Variants in CELF2 observed in about 807,000 individuals in gnomAD.
CELF2 encodes the protein CUGBP Elav-like family member 2, also known as CUG triplet repeat RNA-binding protein 2.
Under a neutral mutation model 62.6 loss-of-function variants are expected in CELF2, and 8 were observed. The observed-to-expected ratio is 0.13, with a 90% confidence interval of 0.07 to 0.23. CELF2 has a LOEUF of 0.23. Ranked by LOEUF, CELF2 falls within the 10% of genes least tolerant of loss-of-function variation. CELF2 has a pLI of 1.00. For missense variants in CELF2, 333 were observed against 671.0 expected (o/e 0.50, Z 5.56); for synonymous variants, 258 against 250.0 (o/e 1.03, Z -0.30).
intron 2 of CELF2, among the ~76,000 whole-genome samples, chr10:11,202,901 A>ATCTCTCTCTCTCTC (rs56373613): frequency 1.4e-5 from 1 of 70,984 alleles, no homozygotes; most frequent in East Asian, 5.6e-4. Flanking sequence ...CCCCATCCTC[A>ATCTCTCTCTCTCTC]TCTCTCTCTC....
the CELF2 span, among the ~76,000 whole-genome samples, chr10:10,712,959 G>A: frequency 7.9e-5 from 12 of 152,132 alleles, no homozygotes; most frequent in Non-Finnish European, 1.5e-4. Context: ...CTTGAGCTAA[G>A]CCCCAGCCCT....
At chr10:10,465,764 A>G in the CELF2 span, among the ~76,000 whole-genome samples, 4 of 152,238 alleles carry the variant, frequency 2.6e-5, no homozygotes, top group Non-Finnish European at 4.4e-5. Context: ...GGTAACTTGT[A>G]AGGAAAAGAG....
At chr10:10,757,677 T>A in the CELF2 span, among the ~76,000 whole-genome samples, 1 of 152,082 alleles carries the variant, frequency 6.6e-6, no homozygotes, top group South Asian at 2.1e-4. Context: ...AATATAAGAA[T>A]AAGCTACTTG....
intron 1 of CELF2, among the ~76,000 whole-genome samples, chr10:10,814,956 C>CT (rs755479883): frequency 9.2e-5 from 14 of 152,164 alleles, no homozygotes; most frequent in Non-Finnish European, 1.9e-4. Context: ...GGATAGCTCT[C>CT]TCCCCTCTTC....
chr10:11,293,804 TTTA>T (rs2092826858), intron 9 of CELF2, among the ~76,000 whole-genome samples: 2 of 152,196 alleles, frequency 1.3e-5, no homozygotes, highest in East Asian at 1.9e-4. Context: ...TTTGTTTTTT[TTTA>T]AATTCAGTGG....
the CELF2 span, among the ~76,000 whole-genome samples, chr10:10,572,251 C>G: frequency 4.0e-5 from 6 of 151,628 alleles, no homozygotes; most frequent in East Asian, 9.7e-4. Flanking sequence ...TATTGAGGTC[C>G]CTTGTTCTTT....
At chr10:11,138,536 G>T (rs1219282615) in intron 1 of CELF2, among the ~76,000 whole-genome samples, 1 of 152,188 alleles carries the variant, frequency 6.6e-6, no homozygotes, top group Non-Finnish European at 1.5e-5. Flanking sequence ...ACACACACAG[G>T]ATCGGGATAC....
intron 2 of CELF2, among the ~76,000 whole-genome samples, chr10:10,933,053 G>A (rs2066250816): frequency 6.6e-6 from 1 of 152,104 alleles, no homozygotes; most frequent in South Asian, 2.1e-4. Flanking sequence ...CCAGCACTTT[G>A]GGAGGCTGAG....
the CELF2 span, among the ~76,000 whole-genome samples, chr10:10,593,100 A>T: frequency 1.3e-5 from 2 of 152,202 alleles, no homozygotes; most frequent in Non-Finnish European, 2.9e-5. Context: ...ACAGCCAACA[A>T]GCAGAGTGCT....
Position 11,159,431 on chromosome 10 carries a change from C to A in CELF2, c.75-6055C>A, listed in dbSNP as rs960225030. Among the ~76,000 whole-genome samples the A allele has an allele frequency of 6.6e-6, 1 of 152,184 alleles. No homozygotes were observed. Among genetic ancestry groups the A allele is most frequent in the South Asian group, 2.1e-4 (1 of 4,820 alleles). On this transcript the variant is annotated intron_variant, in intron 1 of 12. Transcript: ENST00000633077. This position sits in a 1 kb window ranked among gnomAD's most constrained non-coding sequence, Gnocchi z 5.0. ...AGCAGTGCATTTTAAAAGGGAGTTGCAATTCCCAGAGCTCTGGGTTGGATG... is the reference window on the plus strand; with the variant it reads ...AGCAGTGCATTTTAAAAGGGAGTTGAAATTCCCAGAGCTCTGGGTTGGATG...
rs2132949983 is a variant in CELF2 at position 11,332,128 on chromosome 10, GT to G, written c.*3079del. 1.3e-5 allele frequency: 2 copies of G among 152,292 alleles called. No homozygotes were observed. The highest frequency in any genetic ancestry group is 4.8e-5 in the African/African-American group (2 of 41,562). 9.4% of individuals were successfully genotyped at this position (152,292 alleles called of 1,614,324 possible). On this transcript the variant is annotated 3_prime_UTR_variant, in exon 13 of 13. Coordinates refer to ENST00000633077, the MANE Select transcript of CELF2 (RefSeq NM_001326342.2). The stretch of plus-strand genomic sequence containing the variant: ...ATGTGCTACTAGAATTCCTTCTTCA[GT>G]TTTAACGAGTAATTGGATAAACCCT...
intron 1 of CELF2, among the ~76,000 whole-genome samples, chr10:11,142,808 G>T (rs547350921): frequency 6.6e-6 from 1 of 152,194 alleles, no homozygotes; most frequent in Non-Finnish European, 1.5e-5. Context: ...GAATGGGAAG[G>T]TAAGTCGTAA....
the CELF2 span, among the ~76,000 whole-genome samples, chr10:10,774,261 C>T: frequency 6.6e-6 from 1 of 152,192 alleles, no homozygotes; most frequent in Non-Finnish European, 1.5e-5. Flanking sequence ...CGGAAGCACA[C>T]GGTACACATA....
At chr10:11,176,788 G>A (rs890756379) in intron 2 of CELF2, among the ~76,000 whole-genome samples, 7 of 152,128 alleles carry the variant, frequency 4.6e-5, no homozygotes, top group South Asian at 2.1e-4. Flanking sequence ...TCAACAAGGC[G>A]TTACTTTTGG....
chr10:10,977,367 G>A (rs1486948419), intron 2 of CELF2, among the ~76,000 whole-genome samples: 1 of 152,178 alleles, frequency 6.6e-6, no homozygotes, highest in African/African-American at 2.4e-5. Context: ...TCAGCAAGAA[G>A]TATCTTTAGT....
chr10:10,917,599 C>G (rs968455615), intron 1 of CELF2, among the ~76,000 whole-genome samples: 2 of 152,152 alleles, frequency 1.3e-5, no homozygotes, highest in Non-Finnish European at 2.9e-5. Flanking sequence ...CCTCAGCCTC[C>G]CAAAGTGCTA....
chr10:10,959,302 G>A lies in CELF2; in HGVS notation c.89+39303G>A, dbSNP rs184853243. Among the ~76,000 whole-genome samples the A allele has an allele frequency of 1.2e-4, 19 of 152,150 alleles. No individual in the cohort carries two copies. In the East Asian group the frequency reaches 3.5e-3, roughly 28 times the overall value. On this transcript the variant is annotated intron_variant, in intron 2 of 13. Coordinates refer to the CELF2 transcript ENST00000636488. ...TCTCAGAGAAAAATAAAAAAGTCTTGGATCCATTTTGATGCCTTTTGTGGC... is the reference window on the plus strand; with the variant it reads ...TCTCAGAGAAAAATAAAAAAGTCTTAGATCCATTTTGATGCCTTTTGTGGC...
chr10:11,324,563 T>C lies in CELF2; in HGVS notation c.1295-1273T>C, dbSNP rs1482694032. 1.3e-5 allele frequency among the ~76,000 whole-genome samples: 2 copies of C among 152,198 alleles called. No individual in the cohort carries two copies. The highest frequency in any genetic ancestry group is 2.9e-5 in the Non-Finnish European group (2 of 68,022). On this transcript the variant is annotated intron_variant, in intron 11 of 12. Coordinates refer to ENST00000633077, the MANE Select transcript of CELF2 (RefSeq NM_001326342.2). The surrounding 1 kb of genome is among the most constrained non-coding windows in gnomAD (Gnocchi z 4.7). ...GCAATATGGAAAGTTACAGTAGTCATTAAGACACACTTTTAAATGAGAAAG... is the reference window on the plus strand; with the variant it reads ...GCAATATGGAAAGTTACAGTAGTCACTAAGACACACTTTTAAATGAGAAAG...
Position 11,165,754 on chromosome 10 carries a change from C to G in CELF2, c.271+72C>G. 3 of 1,417,398 alleles carry G rather than the reference C, an allele frequency of 2.1e-6. No individual in the cohort carries two copies. Among genetic ancestry groups the G allele is most frequent in the South Asian group, 1.3e-5 (1 of 77,886 alleles). 87.8% of individuals were successfully genotyped at this position (1,417,398 alleles called of 1,614,324 possible). A position where few individuals can be genotyped will look rare whatever the true frequency, so the allele number is the denominator to read the frequency against. On this transcript the variant is annotated intron_variant, in intron 2 of 12. Transcript: ENST00000633077. The surrounding 1 kb of genome is among the most constrained non-coding windows in gnomAD (Gnocchi z 7.4). ...CGGGGCACTGGGGCTGTCCGAGCCC[C>G]CAGCCTGCAGGAGGAAGGGCGGGTA...
Sources: gnomAD v4.1 joint callset for allele counts (sites outside exome capture counted in the v4.1 genomes callset) on GRCh38, gnomAD v4.1.1 for gene constraint, Gnocchi (gnomAD v3.1) non-coding constraint, MANE v1.5 for transcripts, NCBI Gene and HGNC (gene_info 2026-07-23, HGNC 2026-07-21) for gene names.